The following CDH18 variants were observed in gnomAD, a reference collection of about 807,000 sequenced individuals.
CDH18 encodes the protein cadherin 18.
A neutral mutation model predicts 67.9 loss-of-function variants in CDH18; 31 were observed. The observed-to-expected ratio is 0.46, with a 90% CI of 0.34 to 0.62. CDH18 has a LOEUF of 0.62. Ranked by LOEUF, CDH18 falls within the 20% of genes least tolerant of loss-of-function variation. The pLI, the probability that CDH18 is intolerant of heterozygous loss-of-function variation, is 0.01. For missense variants in CDH18, 890 were observed against 975.5 expected (o/e 0.91, Z 1.17); for synonymous variants, 362 against 347.2 (o/e 1.04, Z -0.48).
At chr5:20,470,665 A>G (rs1751986852) in intron 1 of CDH18, among the ~76,000 whole-genome samples, 1 of 152,030 alleles carries the variant, frequency 6.6e-6, no homozygotes, top group African/African-American at 2.4e-5. Context: ...ATCAAAGCCC[A>G]CTCATCAGGG....
chr5:20,332,482 ATTAC>A (rs1361294881), intron 1 of CDH18, among the ~76,000 whole-genome samples: 1 of 152,196 alleles, frequency 6.6e-6, no homozygotes, highest in Non-Finnish European at 1.5e-5. Context: ...CAATGGTCCT[ATTAC>A]TTAAGAAAAG....
At chr5:19,585,042 T>C (rs1743943165) in intron 7 of CDH18, among the ~76,000 whole-genome samples, 1 of 151,882 alleles carries the variant, frequency 6.6e-6, no homozygotes, top group South Asian at 2.1e-4. Context: ...TTTGAACTTA[T>C]TAAATGTCAA....
chr5:20,276,391 A>T (rs2126681437), intron 1 of CDH18, among the ~76,000 whole-genome samples: 1 of 152,276 alleles, frequency 6.6e-6, no homozygotes, highest in Middle Eastern at 3.4e-3. Flanking sequence ...TGAGGCCCCC[A>T]TTCCAGGCTC....
At chr5:20,388,425 AT>A (rs137871643) in intron 1 of CDH18, among the ~76,000 whole-genome samples, 28,860 of 151,672 alleles carry the variant, frequency 0.19, 3,032 homozygotes, top group African/African-American at 0.25. Context: ...CCCCTTTATC[AT>A]TTTTTTATTG....
rs558503297 is a variant in CDH18 at position 20,379,836 on chromosome 5, A to G, written c.-579-124331T>C. Among the ~76,000 whole-genome samples the G allele has an allele frequency of 3.3e-5, 5 of 152,142 alleles. No homozygotes were observed. The South Asian group carries it at 1.0e-3, about 32-fold the overall frequency. ...TATCTCTGACTCTTGAAGAATCAGT[A>G]TGAGAAAAGGAGAGAGAAAAAGGTG... On this transcript the variant is annotated intron_variant, in intron 1 of 14. Transcript: ENST00000507958.
chr5:19,983,898 C>G (rs1304296530), intron 1 of CDH18, among the ~76,000 whole-genome samples: 3 of 152,166 alleles, frequency 2.0e-5, no homozygotes, highest in African/African-American at 7.2e-5. Flanking sequence ...ATCTATGCAA[C>G]CATATGCAAT....
In CDH18 at chr5:19,700,081, C is replaced by T. The variant is rs139616877; in HGVS notation, c.643+21266G>A. Among the ~76,000 whole-genome samples, 415 of 152,168 alleles carry T rather than the reference C, an allele frequency of 2.7e-3. 2 individuals carry two copies. Among genetic ancestry groups the T allele is most frequent in the African/African-American group, 9.5e-3 (394 of 41,520 alleles). On this transcript the variant is annotated intron_variant, in intron 5 of 12. Transcript: ENST00000382275. ...ATGCCCTCTTTTGTCTTTCGTCTTT[C>T]GAAAGAGTAAGATACAATTATATTT...
chr5:20,267,707 A>C (rs1257491539), intron 1 of CDH18, among the ~76,000 whole-genome samples: 1 of 152,128 alleles, frequency 6.6e-6, no homozygotes, highest in African/African-American at 2.4e-5. Flanking sequence ...ATATATCATC[A>C]TTGGTGTTTA....
intron 10 of CDH18, among the ~76,000 whole-genome samples, chr5:19,514,621 T>C (rs1459843756): frequency 6.6e-6 from 1 of 152,234 alleles, no homozygotes; most frequent in East Asian, 1.9e-4. Flanking sequence ...TTTTCATGCG[T>C]CTGTTGGCTG....
At chr5:19,978,235 G>A (rs73061551) in intron 2 of CDH18, among the ~76,000 whole-genome samples, 6,947 of 152,094 alleles carry the variant, frequency 0.046, 394 homozygotes, top group African/African-American at 0.13. Flanking sequence ...GTATTCATTA[G>A]GGAGGATAAA....
At chr5:20,221,163 A>C (rs576305007) in intron 2 of CDH18, among the ~76,000 whole-genome samples, 114 of 152,262 alleles carry the variant, frequency 7.5e-4, no homozygotes, top group African/African-American at 2.6e-3. Flanking sequence ...CTGCACTCTC[A>C]TGTTTATTTC....
intron 3 of CDH18, among the ~76,000 whole-genome samples, chr5:19,817,956 C>T (rs986228778): frequency 1.3e-5 from 2 of 151,996 alleles, no homozygotes; most frequent in South Asian, 4.1e-4. Flanking sequence ...TATTTATGGA[C>T]TCTAAAATAT....
At chr5:19,909,544 C>T (rs1317365566) in intron 2 of CDH18, among the ~76,000 whole-genome samples, 1 of 151,930 alleles carries the variant, frequency 6.6e-6, no homozygotes, top group African/African-American at 2.4e-5. Context: ...GGTGATCCAC[C>T]CTTCTCACCC....
At chr5:20,067,840 G>T (rs1389981761) in intron 2 of CDH18, among the ~76,000 whole-genome samples, 1 of 152,020 alleles carries the variant, frequency 6.6e-6, no homozygotes, top group Non-Finnish European at 1.5e-5. Context: ...AAATGCAGAT[G>T]TTAGACATTA....
At chr5:20,335,069 C>T (rs1475415233) in intron 1 of CDH18, among the ~76,000 whole-genome samples, 5 of 152,148 alleles carry the variant, frequency 3.3e-5, no homozygotes. Context: ...GAATGAACCT[C>T]ATTCAAACCT....
At position 20,132,919 on chromosome 5, in the gene CDH18, T is replaced by C. The variant is rs138995374; in HGVS notation, c.-518+122525A>G. 6.2e-4 allele frequency among the ~76,000 whole-genome samples: 95 copies of C among 152,308 alleles called. No homozygotes were observed. In the South Asian group the frequency reaches 0.017, roughly 27 times the overall value. Reference sequence around the variant, plus strand: ...CCTTCTCTACTTATCTTTCTCTTTATGCAGAACTTTTTTTTATTACTAGGC... The same window carrying C: ...CCTTCTCTACTTATCTTTCTCTTTACGCAGAACTTTTTTTTATTACTAGGC... On this transcript the variant is annotated intron_variant, in intron 2 of 14. Coordinates refer to the CDH18 transcript ENST00000507958.
intron 2 of CDH18, among the ~76,000 whole-genome samples, chr5:20,196,804 A>G (rs1739018751): frequency 6.6e-6 from 1 of 152,206 alleles, no homozygotes; most frequent in Non-Finnish European, 1.5e-5. Flanking sequence ...CTCAATTTAC[A>G]GATACCTCAT....
rs185292615 is a variant in CDH18, at chr5:19,895,906, T to G, written c.-256-56664A>C. Among the ~76,000 whole-genome samples the G allele has an allele frequency of 2.9e-3, 449 of 152,256 alleles. 5 individuals are homozygous for G. Among genetic ancestry groups the G allele is most frequent in the African/African-American group, 9.7e-3 (404 of 41,554 alleles). On this transcript the variant is annotated intron_variant, in intron 2 of 12. Transcript: ENST00000382275. ...GTAGACATGGTAAAAGGGGCTGTTC[T>G]GTATTCTGACTGTGATGGTAGCTAC...
chr5:19,821,077 A>G (rs1383799150), intron 3 of CDH18, among the ~76,000 whole-genome samples: 1 of 152,146 alleles, frequency 6.6e-6, no homozygotes, highest in Non-Finnish European at 1.5e-5. Flanking sequence ...AGACTACACT[A>G]GCTCCCCGGC....
Sources: gnomAD v4.1 joint callset for allele counts (sites outside exome capture counted in the v4.1 genomes callset) on GRCh38, gnomAD v4.1.1 for gene constraint, MANE v1.5 for transcripts, NCBI Gene and HGNC (gene_info 2026-07-23, HGNC 2026-07-21) for gene names.